Variants in EPG5 observed in about 807,000 individuals in gnomAD.
The protein encoded by EPG5 is ectopic P granules protein 5 homolog.
In EPG5, 159 loss-of-function variants were observed where a neutral mutation model predicts 302.7. That is an observed-to-expected ratio of 0.53 (90% confidence interval 0.46 to 0.60). The LOEUF (loss-of-function observed/expected upper bound fraction) is 0.60. Among genes scored for constraint, EPG5 ranks in the 20% least tolerant of loss-of-function variants. The probability of loss-of-function intolerance (pLI) is 0.00; values close to 1 mark genes in which losing one functional copy is unlikely to be tolerated. For missense variants in EPG5, 2,896 were observed against 3,092.4 expected, an observed-to-expected ratio of 0.94 and a Z score of 1.51; for synonymous variants, 1,158 against 1,136.8, an observed-to-expected ratio of 1.02 and a Z score of -0.37.
intron 12 of EPG5, among the ~76,000 whole-genome samples, chr18:45,930,211 T>G (rs1482585052): frequency 1.3e-5 from 2 of 152,156 alleles, no homozygotes; most frequent in Non-Finnish European, 2.9e-5. Context: ...AAATGAAGCC[T>G]GGGGTAATAA....
At chr18:45,887,654 T>C (rs777838048) in intron 29 of EPG5, 97 bp downstream of exon 29, 201 of 1,076,390 alleles carry the variant, frequency 1.9e-4, no homozygotes, top group Non-Finnish European at 2.3e-4. Flanking sequence ...TCTGAACCTG[T>C]AATATAAGTC....
chr18:45,947,052 T>C (rs934402059), intron 6 of EPG5, among the ~76,000 whole-genome samples: 32 of 152,190 alleles, frequency 2.1e-4, no homozygotes, highest in South Asian at 8.3e-4. Flanking sequence ...CTGCGGACCT[T>C]AACTCAAACC....
chr18:45,916,797 C>T (rs968138333), intron 17 of EPG5: 36 of 384,298 alleles, frequency 9.4e-5, no homozygotes, highest in Middle Eastern at 6.9e-4. Flanking sequence ...AACAGATCCA[C>T]GACACACAAA....
At chr18:45,817,379 C>G in the EPG5 span, among the ~76,000 whole-genome samples, 1 of 152,224 alleles carries the variant, frequency 6.6e-6, no homozygotes, top group Non-Finnish European at 1.5e-5. Flanking sequence ...ACCACCACTT[C>G]TACTTCTATA....
Position 45,952,652 on chromosome 18 carries a change from G to C in EPG5, c.1009-9C>G. 1 of 1,611,312 alleles carries C rather than the reference G, an allele frequency of 6.2e-7. No homozygotes were observed. Among genetic ancestry groups the C allele is most frequent in the Non-Finnish European group, 8.5e-7 (1 of 1,178,738 alleles). The stretch of plus-strand genomic sequence containing the variant: ...TGATCTGCACAGATACCCTACCAGA[G>C]GACAAAAAGGTACAATATGAAACCA... On this transcript the variant is annotated splice_polypyrimidine_tract_variant and intron_variant, in intron 2 of 43. Transcript: ENST00000282041.
At chr18:45,916,642 C>G in intron 17 of EPG5, 60 bp from the exon 18 acceptor site, 3 of 1,484,890 alleles carry the variant, frequency 2.0e-6, no homozygotes, top group Non-Finnish European at 2.7e-6. Flanking sequence ...AGAATTTTCC[C>G]TAATTACTTA....
intron 14 of EPG5, among the ~76,000 whole-genome samples, chr18:45,925,237 G>A (rs965430468): frequency 9.2e-5 from 14 of 152,142 alleles, no homozygotes; most frequent in Admixed American, 2.0e-4. Flanking sequence ...TTGGGAAGCC[G>A]AGGCAAGGTG....
intron 1 of EPG5, among the ~76,000 whole-genome samples, chr18:45,959,336 A>T (rs1004757345): frequency 6.6e-6 from 1 of 151,840 alleles, no homozygotes; most frequent in African/African-American, 2.4e-5. Context: ...GTCAGACTCC[A>T]TCTCACAAAA....
Position 45,880,229 on chromosome 18 carries a change from A to G in EPG5, c.5519-6T>C, listed in dbSNP as rs762309348. 5 of 1,583,680 alleles carry G rather than the reference A, an allele frequency of 3.2e-6. No homozygotes were observed. The South Asian group carries it at 4.5e-5, about 14-fold the overall frequency. On this transcript the variant is annotated splice_polypyrimidine_tract_variant and splice_region_variant and intron_variant, in intron 31 of 43. Transcript: ENST00000282041. Reference sequence around the variant, plus strand: ...CAGAAGCTGCTCCGCGGAGCCTGCCAGCAGGGACAGGAAGAGCAAGTCAGT... The same window carrying G: ...CAGAAGCTGCTCCGCGGAGCCTGCCGGCAGGGACAGGAAGAGCAAGTCAGT...
intron 12 of EPG5, among the ~76,000 whole-genome samples, chr18:45,929,793 T>G (rs928399435): frequency 6.6e-6 from 1 of 152,200 alleles, no homozygotes; most frequent in African/African-American, 2.4e-5. Context: ...ATCGAGATCT[T>G]AACTTTATGC....
At chr18:45,943,612 T>C (rs911821728) in intron 8 of EPG5, among the ~76,000 whole-genome samples, 1 of 152,022 alleles carries the variant, frequency 6.6e-6, no homozygotes, top group African/African-American at 2.4e-5. Context: ...GAAACCCGAG[T>C]TGGAGCCTAC....
chr18:45,877,951 T>C (rs1272467998), intron 34 of EPG5, among the ~76,000 whole-genome samples: 2 of 152,202 alleles, frequency 1.3e-5, no homozygotes, highest in Non-Finnish European at 2.9e-5. Context: ...GCTTGTGAAA[T>C]AATGCTTTAA....
chr18:45,923,520 T>C (rs1423796558), intron 14 of EPG5, 133 bp from the exon 15 acceptor site: 3 of 915,282 alleles, frequency 3.3e-6, no homozygotes, highest in South Asian at 3.5e-5. Context: ...AAAAATCACA[T>C]CCCACACAGT....
chr18:45,827,969 G>A, the EPG5 span, among the ~76,000 whole-genome samples: 1 of 152,224 alleles, frequency 6.6e-6, no homozygotes, highest in South Asian at 2.1e-4. Context: ...AGCCGACTCA[G>A]CTGCAGAAAG....
downstream of EPG5, among the ~76,000 whole-genome samples, chr18:45,846,626 GA>G (rs2048366946): frequency 1.3e-5 from 2 of 151,568 alleles, no homozygotes; most frequent in Non-Finnish European, 2.9e-5. Context: ...CCCCAGGGAG[GA>G]AAGAGATCTT....
At chr18:45,821,735 T>C in the EPG5 span, among the ~76,000 whole-genome samples, 11 of 152,210 alleles carry the variant, frequency 7.2e-5, no homozygotes, top group South Asian at 6.2e-4. Flanking sequence ...ATACAAAATA[T>C]ATAAGGAACT....
At chr18:45,958,860 C>G (rs890874981) in intron 1 of EPG5, among the ~76,000 whole-genome samples, 1 of 152,174 alleles carries the variant, frequency 6.6e-6, no homozygotes, top group Non-Finnish European at 1.5e-5. Context: ...CACACCTGGT[C>G]TGGCACCAGT....
chr18:45,933,980 T>C (rs1489671707), intron 11 of EPG5, among the ~76,000 whole-genome samples: 1 of 152,136 alleles, frequency 6.6e-6, no homozygotes. Context: ...ATTTCGAACA[T>C]TATAATTTTG....
intron 29 of EPG5, 56 bp downstream of exon 29, chr18:45,887,695 A>G: frequency 2.2e-6 from 3 of 1,365,090 alleles, no homozygotes; most frequent in Non-Finnish European, 2.9e-6. Flanking sequence ...TCCAAAGAAG[A>G]CAGACACCGC....
Sources: allele counts gnomAD v4.1 joint callset (sites outside exome capture counted in the v4.1 genomes callset), GRCh38; gene constraint gnomAD v4.1.1; transcripts MANE v1.5; gene names NCBI Gene and HGNC (gene_info 2026-07-23, HGNC 2026-07-21).